Variants in ASIC2 observed in about 807,000 individuals in gnomAD.
The protein encoded by ASIC2 is acid sensing ion channel subunit 2.
ASIC2 carries 25 observed loss-of-function variants against 57.3 expected under a neutral mutation model. The observed-to-expected ratio is 0.44, with a 90% CI of 0.32 to 0.61. The LOEUF (loss-of-function observed/expected upper bound fraction) is 0.61, where lower values mean the gene tolerates loss of function less well. Among genes scored for constraint, ASIC2 ranks in the 20% least tolerant of loss-of-function variants. The pLI, the probability that ASIC2 is intolerant of heterozygous loss-of-function variation, is 0.06. For synonymous variants in ASIC2, 319 were observed against 307.5 expected (o/e 1.04, Z -0.39); for missense variants, 641 against 738.1 (o/e 0.87, Z 1.52).
intron 1 of ASIC2, among the ~76,000 whole-genome samples, chr17:34,013,763 C>A (rs1906851958): frequency 6.6e-6 from 1 of 152,210 alleles, no homozygotes; most frequent in South Asian, 2.1e-4. Flanking sequence ...GGGCCCAGGA[C>A]TTCTCTTTAC....
chr17:33,802,981 G>T (rs915789214), intron 1 of ASIC2, among the ~76,000 whole-genome samples: 2 of 152,220 alleles, frequency 1.3e-5, no homozygotes, highest in Non-Finnish European at 2.9e-5. Context: ...CAAAGTAAGA[G>T]ATCTTGAGTG....
chr17:33,595,539 AT>A, intron 1 of ASIC2, among the ~76,000 whole-genome samples: 1 of 152,260 alleles, frequency 6.6e-6, no homozygotes, highest in South Asian at 2.1e-4. Flanking sequence ...AGGGGCTTTT[AT>A]TTCTGTTTCT....
intron 1 of ASIC2, among the ~76,000 whole-genome samples, chr17:33,807,123 A>T (rs917989087): frequency 1.3e-5 from 2 of 152,154 alleles, no homozygotes; most frequent in African/African-American, 2.4e-5. Flanking sequence ...AGAAATGCTC[A>T]ATCAGCCAGT....
intron 1 of ASIC2, among the ~76,000 whole-genome samples, chr17:33,921,825 A>T (rs1344668725): frequency 2.0e-5 from 3 of 152,200 alleles, no homozygotes; most frequent in Admixed American, 6.5e-5. Flanking sequence ...GCTCAAACTA[A>T]GCTCATTATG....
chr17:33,841,120 T>C (rs972758314), intron 1 of ASIC2, among the ~76,000 whole-genome samples: 1 of 152,252 alleles, frequency 6.6e-6, no homozygotes, highest in Non-Finnish European at 1.5e-5. Flanking sequence ...TTAGCTGTTC[T>C]GGTTTACCTG....
At chr17:33,238,180 G>A (rs916312850) in intron 1 of ASIC2, among the ~76,000 whole-genome samples, 2 of 152,178 alleles carry the variant, frequency 1.3e-5, no homozygotes, top group East Asian at 1.9e-4. Context: ...CTGAAGTCAC[G>A]TGCTGGTGAA....
chr17:33,633,523 T>C (rs1906245767), intron 1 of ASIC2, among the ~76,000 whole-genome samples: 1 of 152,192 alleles, frequency 6.6e-6, no homozygotes, highest in Non-Finnish European at 1.5e-5. Flanking sequence ...TTGCTGGAGT[T>C]GACATGCCCA....
intron 1 of ASIC2, chr17:34,036,762 C>A (rs1399382650): frequency 1.5e-5 from 2 of 133,576 alleles, no homozygotes; most frequent in Non-Finnish European, 3.1e-5. Flanking sequence ...TTAAAAGGGA[C>A]AACCGTCAAG....
chr17:33,738,353 C>T (rs1909990192), intron 1 of ASIC2, among the ~76,000 whole-genome samples: 1 of 152,220 alleles, frequency 6.6e-6, no homozygotes, highest in South Asian at 2.1e-4. Flanking sequence ...CCCAGACCTT[C>T]AGGATCCCCT....
chr17:33,759,545 A>G (rs942218136), intron 1 of ASIC2, among the ~76,000 whole-genome samples: 3 of 152,160 alleles, frequency 2.0e-5, no homozygotes, highest in Non-Finnish European at 2.9e-5. Flanking sequence ...TCCTCAAGAC[A>G]ATGGAAGAAA....
At chr17:33,978,904 G>A (rs1035001712) in intron 1 of ASIC2, among the ~76,000 whole-genome samples, 1 of 152,138 alleles carries the variant, frequency 6.6e-6, no homozygotes, top group South Asian at 2.1e-4. Flanking sequence ...AAACACACTT[G>A]GGGGGCTTAC....
intron 1 of ASIC2, among the ~76,000 whole-genome samples, chr17:34,127,994 TCA>T (rs914352776): frequency 3.3e-5 from 5 of 151,834 alleles, no homozygotes; most frequent in Non-Finnish European, 7.4e-5. Context: ...TCCCTGAATC[TCA>T]GAGAGGCAAG....
At chr17:34,085,076 T>C (rs1910055245) in intron 1 of ASIC2, among the ~76,000 whole-genome samples, 1 of 152,186 alleles carries the variant, frequency 6.6e-6, no homozygotes. Context: ...CAACACTATG[T>C]TGGATAGGAG....
At chr17:33,028,168 C>T (rs2091866642) in intron 4 of ASIC2, 74 bp downstream of exon 4, 2 of 1,556,394 alleles carry the variant, frequency 1.3e-6, no homozygotes, top group Non-Finnish European at 8.8e-7. Flanking sequence ...AAGTGTTTCC[C>T]ATTAGGATGA....
intron 1 of ASIC2, chr17:33,533,641 G>T (rs1295841023): frequency 6.6e-6 from 1 of 152,190 alleles, no homozygotes; most frequent in East Asian, 1.9e-4. Flanking sequence ...CCCATGGATT[G>T]CCTGGAATCA....
At chr17:33,145,297 G>A (rs1193190525) in intron 1 of ASIC2, among the ~76,000 whole-genome samples, 1 of 152,200 alleles carries the variant, frequency 6.6e-6, no homozygotes, top group Non-Finnish European at 1.5e-5. Context: ...AGTTTCTTTT[G>A]GCATTCTTGG....
intron 1 of ASIC2, among the ~76,000 whole-genome samples, chr17:33,277,778 A>ATT (rs763108971): frequency 2.0e-5 from 3 of 152,126 alleles, no homozygotes; most frequent in Non-Finnish European, 4.4e-5. Flanking sequence ...GTTTTTTCCC[A>ATT]TTCACTTGGA....
intron 1 of ASIC2, among the ~76,000 whole-genome samples, chr17:33,987,670 CAACCA>C (rs1378108890): frequency 6.6e-6 from 1 of 152,148 alleles, no homozygotes; most frequent in Non-Finnish European, 1.5e-5. Flanking sequence ...ACCAACCAAC[CAACCA>C]ACGAACCAGA....
chr17:34,142,665 T>C (rs922055197), intron 1 of ASIC2, among the ~76,000 whole-genome samples: 4 of 152,208 alleles, frequency 2.6e-5, no homozygotes, highest in African/African-American at 9.6e-5. Context: ...TACAGCAAAC[T>C]TGGGCTGGAC....
Sources: allele counts gnomAD v4.1 joint callset (sites outside exome capture counted in the v4.1 genomes callset), GRCh38; gene constraint gnomAD v4.1.1; transcripts MANE v1.5; gene names NCBI Gene and HGNC (gene_info 2026-07-23, HGNC 2026-07-21).